Variants in ARFGEF2 observed in about 807,000 individuals in gnomAD.
The protein encoded by ARFGEF2 is brefeldin A-inhibited guanine nucleotide-exchange protein 2.
ARFGEF2 carries 74 observed loss-of-function variants against 219.9 expected under a neutral mutation model. The ratio of observed to expected loss-of-function variants is 0.34; its 90% CI spans 0.28 to 0.41. The LOEUF (loss-of-function observed/expected upper bound fraction) is 0.41. Ranked by LOEUF, ARFGEF2 falls within the 10% of genes least tolerant of loss-of-function variation. The pLI, the probability that ARFGEF2 is intolerant of heterozygous loss-of-function variation, is 1.00. For missense variants in ARFGEF2, 1,743 were observed against 2,218.3 expected (o/e 0.79, Z 4.30); for synonymous variants, 733 against 799.2 (o/e 0.92, Z 1.40).
intron 4 of ARFGEF2, 137 bp downstream of exon 4, chr20:48,951,606 A>C: frequency 8.2e-7 from 1 of 1,215,118 alleles, no homozygotes; most frequent in Non-Finnish European, 1.2e-6. Context: ...CGTCACTTAG[A>C]TCTTTTGTTA....
At chr20:49,022,639 G>C (rs2091572951) in intron 34 of ARFGEF2, among the ~76,000 whole-genome samples, 1 of 152,148 alleles carries the variant, frequency 6.6e-6, no homozygotes, top group African/African-American at 2.4e-5. Context: ...TTTTTATAGA[G>C]ACTTTTCCCA....
intron 14 of ARFGEF2, among the ~76,000 whole-genome samples, chr20:48,982,429 A>C (rs989709295): frequency 6.6e-6 from 1 of 152,100 alleles, no homozygotes; most frequent in Non-Finnish European, 1.5e-5. Context: ...CCTTTCTGGG[A>C]GGTGTCTCCC....
chr20:48,988,200 A>G, intron 16 of ARFGEF2, 104 bp from the exon 17 acceptor site: 2 of 806,588 alleles, frequency 2.5e-6, no homozygotes, highest in Non-Finnish European at 4.2e-6. Context: ...TTTGGAATCA[A>G]GGGGAGTAGT....
At chr20:48,994,001 G>A (rs2123471610) in intron 21 of ARFGEF2, among the ~76,000 whole-genome samples, 1 of 152,306 alleles carries the variant, frequency 6.6e-6, no homozygotes, top group South Asian at 2.1e-4. Context: ...GCAGGACATG[G>A]TAATGGGAAG....
intron 38 of ARFGEF2, 74 bp downstream of exon 38, chr20:49,032,240 C>T: frequency 9.6e-7 from 1 of 1,038,310 alleles, no homozygotes; most frequent in Non-Finnish European, 1.5e-6. Context: ...CAAGAGTTTG[C>T]AGTAACTATT....
chr20:48,985,573 A>G lies in ARFGEF2; in HGVS notation c.2236A>G (p.Met746Val), dbSNP rs1296900936. The G allele has an allele frequency of 6.2e-7, 1 of 1,614,178 alleles. No individual in the cohort carries two copies. The highest frequency in any genetic ancestry group is 8.5e-7 in the Non-Finnish European group (1 of 1,180,032). Residue 746 changes from methionine to valine, a missense_variant, in exon 16 of 39, where the codon ATG becomes GTG. By Grantham distance (21) the Met-to-Val change is conservative. This residue lies in a region of ARFGEF2 where 666 missense variants were observed against 955.4 expected (regional missense o/e 0.70). Coordinates refer to ENST00000371917, the MANE Select transcript of ARFGEF2 (RefSeq NM_006420.3). The part of the protein sequence containing the change: ...PGEAQKIDRL[M>V]EKFAARYIEC... ...AGAAGCCCAAAAGATTGACCGATTA[A>G]TGGAGAAGTTTGCCGCAAGATACAT...
chr20:48,991,315 A>G (rs1465035085), intron 21 of ARFGEF2, 117 bp downstream of exon 21: 4 of 1,419,962 alleles, frequency 2.8e-6, no homozygotes, highest in Non-Finnish European at 3.9e-6. Flanking sequence ...ACTGTACCTC[A>G]TGTATCTGGA....
Position 48,953,497 on chromosome 20 carries a change from G to A in ARFGEF2, c.604-59G>A, listed in dbSNP as rs568136574. ...AGCCCAGGAAATTTTTTAAGTAATA[G>A]GCTGGCATAATTTTTCTTCCTTACC... On this transcript the variant is annotated intron_variant, in intron 5 of 38. Transcript: ENST00000371917. 1.2e-4 allele frequency: 190 copies of A among 1,532,566 alleles called. No homozygotes were observed. The African/African-American group carries it at 2.4e-3, about 19-fold the overall frequency. 94.9% of individuals were successfully genotyped at this position (1,532,566 alleles called of 1,614,324 possible).
Position 49,033,178 on chromosome 20 carries a change from A to G in ARFGEF2, c.5337A>G (p.Ala1779=). The G allele has an allele frequency of 4.3e-6, 7 of 1,614,234 alleles. No individual in the cohort carries two copies. Among genetic ancestry groups the G allele is most frequent in the Non-Finnish European group, 5.9e-6 (7 of 1,180,028 alleles). ...WIPEEPSQVP[A]ALSPVW is the part of the protein sequence containing the mutation. ...CAGAAGAGCCATCACAGGTACCAGC[A>G]GCACTGTCACCAGTGTGGTAGCCCT... Residue 1779 remains alanine (A), a synonymous_variant, in exon 39 of 39, where the codon GCA becomes GCG. Coordinates refer to ENST00000371917, the MANE Select transcript of ARFGEF2 (RefSeq NM_006420.3).
At chr20:49,007,448 C>T (rs2091469037) in intron 26 of ARFGEF2, among the ~76,000 whole-genome samples, 1 of 152,098 alleles carries the variant, frequency 6.6e-6, no homozygotes, top group Non-Finnish European at 1.5e-5. Context: ...CACCACCATG[C>T]CCAGCTAATT....
At chr20:48,948,436 A>G (rs2091043033) in intron 3 of ARFGEF2, among the ~76,000 whole-genome samples, 2 of 152,320 alleles carry the variant, frequency 1.3e-5, no homozygotes, top group East Asian at 1.9e-4. Flanking sequence ...GCCTCCTTGG[A>G]GACATGCCTC....
chr20:48,962,046 G>A (rs2047563614), intron 6 of ARFGEF2, among the ~76,000 whole-genome samples: 5 of 151,554 alleles, frequency 3.3e-5, no homozygotes, highest in Admixed American at 2.6e-4. Context: ...TGGGCGTGGT[G>A]GCTCATGCCT....
rs1421363600 is a variant in ARFGEF2, at chr20:48,952,845, G to A, written c.564G>A (p.Gln188=). 1.9e-6 allele frequency: 3 copies of A among 1,614,112 alleles called. No homozygotes were observed. The highest frequency in any genetic ancestry group is 2.7e-5 in the African/African-American group (2 of 74,946). ...CCACTGCCAAGGCTACCCTTACTCAGATGCTGAACGTCATTTTCACCCGCA... is the reference window on the plus strand; with the variant it reads ...CCACTGCCAAGGCTACCCTTACTCAAATGCTGAACGTCATTTTCACCCGCA... ...NQTTAKATLT[Q]MLNVIFTRME... The change falls in exon 5 of 39, where the codon CAG becomes CAA. Residue 188 remains glutamine (Q), a synonymous_variant. Coordinates refer to ENST00000371917, the MANE Select transcript of ARFGEF2 (RefSeq NM_006420.3).
rs141326036 is a variant in ARFGEF2 at position 49,005,100 on chromosome 20, A to G, written c.3463A>G (p.Ile1155Val). The G allele has an allele frequency of 7.9e-5, 128 of 1,614,046 alleles. No homozygotes were observed. Among genetic ancestry groups the G allele is most frequent in the Middle Eastern group, 3.3e-4 (2 of 6,084 alleles). The change falls in exon 26 of 39, where the codon ATC becomes GTC. Residue 1155 changes from isoleucine to valine, a missense_variant. Ile to Val is a conservative substitution (Grantham distance 29). Transcript: ENST00000371917. ...CTGCAACCCTAATGAAGATGTGGCT[A>G]TCTTTGCTGTTGACTCATTAAGGCA... The part of the protein sequence containing the change: ...VGCNPNEDVA[I>V]FAVDSLRQLS...
At chr20:48,922,667 A>AC (rs1189515418) in intron 1 of ARFGEF2, among the ~76,000 whole-genome samples, 1 of 152,248 alleles carries the variant, frequency 6.6e-6, no homozygotes, top group Non-Finnish European at 1.5e-5. Flanking sequence ...CCTGGCGCAC[A>AC]GTAGGTGCTC....
rs768292382 is a variant in ARFGEF2 at position 49,017,367 on chromosome 20, C to T, written c.4434C>T (p.Phe1478=). The change falls in exon 32 of 39, where the codon TTC becomes TTT. Residue 1478 remains phenylalanine, a synonymous_variant. Transcript: ENST00000371917. ...CCTGCAACTGTATGTTGGATATTTT[C>T]AAAACAACCATCCCACATGTGTAAG... ...DETCNCMLDI[F]KTTIPHVLLT... The T allele has an allele frequency of 2.5e-6, 4 of 1,614,022 alleles. No individual in the cohort carries two copies. The Admixed American group carries it at 5.0e-5, about 20-fold the overall frequency.
At chr20:48,934,389 G>C (rs1375595684) in intron 1 of ARFGEF2, among the ~76,000 whole-genome samples, 1 of 152,136 alleles carries the variant, frequency 6.6e-6, no homozygotes, top group African/African-American at 2.4e-5. Context: ...AGAACAAGCA[G>C]GTTTGTTACA....
chr20:48,985,322 A>C (rs948524109), intron 15 of ARFGEF2, 86 bp from the exon 16 acceptor site: 23 of 1,436,824 alleles, frequency 1.6e-5, no homozygotes, highest in Non-Finnish European at 2.2e-5. Context: ...GGGCCAGGCT[A>C]TTCTGACTCC....
In ARFGEF2 at chr20:49,016,295, A is replaced by T. The variant is rs1394516987; in HGVS notation, c.4195A>T (p.Thr1399Ser). Residue 1399 changes from threonine to serine, a missense_variant, in exon 31 of 39, where the codon ACA becomes TCA. Physicochemically the swap from Thr to Ser is moderately conservative, Grantham distance 58. Around this residue, in one of 5 missense-constraint regions of ARFGEF2, gnomAD observed 578 missense variants for 664.0 expected, o/e 0.87. Coordinates refer to ENST00000371917, the MANE Select transcript of ARFGEF2 (RefSeq NM_006420.3). ...EQLSEKSEWM[T>S]TTCNHALYAI... ...GTTTTCCCAGAAATCTGAGTGGATG[A>T]CAACAACCTGCAATCACGCACTTTA... 6.2e-7 allele frequency: 1 copy of T among 1,613,918 alleles called. No individual in the cohort carries two copies. The highest frequency in any genetic ancestry group is 1.3e-5 in the African/African-American group (1 of 74,928).
Sources: gnomAD v4.1 joint callset for allele counts (sites outside exome capture counted in the v4.1 genomes callset) on GRCh38, gnomAD v4.1.1 for gene constraint, gnomAD v4.1.1 regional missense constraint, MANE v1.5 for transcripts, NCBI Gene and HGNC (gene_info 2026-07-23, HGNC 2026-07-21) for gene names.